GRHL3: variants seen among roughly 807,000 people sequenced by gnomAD.
GRHL3 encodes the protein grainyhead-like protein 3 homolog.
A neutral mutation model predicts 70.3 loss-of-function variants in GRHL3; 20 were observed. That is an observed-to-expected ratio of 0.28 (90% confidence interval 0.20 to 0.41). GRHL3 has a LOEUF of 0.41. Ranked by LOEUF, GRHL3 falls within the 10% of genes least tolerant of loss-of-function variation. The pLI, the probability that GRHL3 is intolerant of heterozygous loss-of-function variation, is 1.00. For synonymous variants in GRHL3, 299 were observed against 299.9 expected (o/e 1.00, Z 0.03); for missense variants, 637 against 762.3 (o/e 0.84, Z 1.94).
chr1:24,362,519 C>A (rs1641188950), intron 15 of GRHL3, among the ~76,000 whole-genome samples: 1 of 152,186 alleles, frequency 6.6e-6, no homozygotes, highest in South Asian at 2.1e-4. Flanking sequence ...AACAATGACA[C>A]TAACTTTATA....
chr1:24,343,864 G>A (rs1419355726), intron 11 of GRHL3, among the ~76,000 whole-genome samples: 1 of 152,238 alleles, frequency 6.6e-6, no homozygotes, highest in East Asian at 1.9e-4. Context: ...TTAGGACAAT[G>A]AGGTGTAGAC....
intron 1 of GRHL3, among the ~76,000 whole-genome samples, chr1:24,324,974 A>C (rs1387571697): frequency 6.6e-6 from 1 of 152,196 alleles, no homozygotes; most frequent in Non-Finnish European, 1.5e-5. Context: ...GGCCACTGGC[A>C]GGCACGAGAA....
rs368867424 is a variant in GRHL3, at chr1:24,330,324, C to T, written c.18-1102C>T. Among the ~76,000 whole-genome samples the T allele has an allele frequency of 1.4e-4, 21 of 152,286 alleles. No individual in the cohort carries two copies. The East Asian group carries it at 2.9e-3, about 21-fold the overall frequency. On this transcript the variant is annotated intron_variant, in intron 1 of 15. Transcript: ENST00000361548. ...GCGATCTATGTTTTAACAAGCCTTC[C>T]AAGTCATTCTCATGCAGCTAAAGTT...
chr1:24,357,109 G>A (rs936092328), downstream of GRHL3: 4 of 145,268 alleles, frequency 2.8e-5, no homozygotes, highest in East Asian at 4.1e-4. Flanking sequence ...GACAGGATTC[G>A]TATTACTGAT....
chr1:24,340,444 A>G (rs12401714), intron 8 of GRHL3, among the ~76,000 whole-genome samples: 41,691 of 152,184 alleles, frequency 0.27, 6,478 homozygotes, highest in East Asian at 0.46. Flanking sequence ...TAGTTAAGCC[A>G]TTAAGATTCT....
In GRHL3 at chr1:24,336,640, C is replaced by G. The variant is rs994104716; in HGVS notation, c.425C>G (p.Pro142Arg). ...AGCTTGGAGGGGGCCTTGCCCACCC[C>G]TGGCAAGGCAGCTCCCCTCCCTGCA... ...LMSLEGALPT[P>R]GKAAPLPAGP... Residue 142 changes from proline to arginine, a missense_variant, in exon 4 of 16, where the codon CCT (proline) becomes CGT (arginine). Pro to Arg is a moderately radical substitution (Grantham distance 103). Around this residue, in one of 2 missense-constraint regions of GRHL3, gnomAD observed 250 missense variants for 248.6 expected, o/e 1.01. Transcript: ENST00000361548. 1 of 1,613,996 alleles carries G rather than the reference C, an allele frequency of 6.2e-7. No individual in the cohort carries two copies.
Position 24,319,378 on chromosome 1 carries a change from T to C in GRHL3, c.-174T>C, listed in dbSNP as rs1328666309. The stretch of plus-strand genomic sequence containing the variant: ...CTCCAGTCGCCGGCACCTGTACCTG[T>C]AGCCAATCAGCGCCAGCGCTGCTGG... On this transcript the variant is annotated 5_prime_UTR_variant, in exon 1 of 16. Coordinates refer to ENST00000361548, the MANE Select transcript of GRHL3 (RefSeq NM_198173.3). 1 of 718,566 alleles carries C rather than the reference T, an allele frequency of 1.4e-6. No homozygotes were observed. The highest frequency in any genetic ancestry group is 2.5e-6 in the Non-Finnish European group (1 of 400,792). 44.5% of individuals were successfully genotyped at this position (718,566 alleles called of 1,614,324 possible).
At position 24,342,804 on chromosome 1, in the gene GRHL3, G is replaced by T. The variant is rs771569908; in HGVS notation, c.1285+32G>T. The T allele has an allele frequency of 3.1e-6, 5 of 1,613,734 alleles. No homozygotes were observed. Among genetic ancestry groups the T allele is most frequent in the African/African-American group, 1.3e-5 (1 of 74,912 alleles). ...GGGGATCCAGGGCCTGGGTGGGCTCGGCTGGCGTGAAGGGGAGAAGGAGAC... is the reference window on the plus strand; with the variant it reads ...GGGGATCCAGGGCCTGGGTGGGCTCTGCTGGCGTGAAGGGGAGAAGGAGAC... On this transcript the variant is annotated intron_variant, in intron 10 of 15. Coordinates refer to ENST00000361548, the MANE Select transcript of GRHL3 (RefSeq NM_198173.3). The surrounding 1 kb of genome is among the most constrained non-coding windows in gnomAD (Gnocchi z 4.8).
intron 1 of GRHL3, among the ~76,000 whole-genome samples, chr1:24,327,826 C>G (rs1316551990): frequency 1.3e-5 from 2 of 152,180 alleles, no homozygotes; most frequent in Non-Finnish European, 2.9e-5. Flanking sequence ...TTCCCCCTCT[C>G]TCACCTACTG....
chr1:24,342,181 C>G lies in GRHL3; in HGVS notation c.1114C>G (p.Leu372Val). 2 of 1,613,524 alleles carry G rather than the reference C, an allele frequency of 1.2e-6. No homozygotes were observed. The highest frequency in any genetic ancestry group is 1.7e-6 in the Non-Finnish European group (2 of 1,179,648). ...ACAAAAGGGGGTGAAGGGTGTCCCC[C>G]TGAACCTGCAGATTGACACCTATGA... ...SSQKGVKGVP[L>V]NLQIDTYDCG... The change falls in exon 9 of 16, where the codon CTG becomes GTG. Residue 372 changes from leucine (L) to valine (V), a missense_variant. Physicochemically the swap from Leu to Val is conservative, Grantham distance 32. This residue lies in a region of GRHL3 where 387 missense variants were observed against 513.8 expected (regional missense o/e 0.75). Coordinates refer to ENST00000361548, the MANE Select transcript of GRHL3 (RefSeq NM_198173.3). The surrounding 1 kb of genome is among the most constrained non-coding windows in gnomAD (Gnocchi z 4.8).
At chr1:24,341,388 T>G (rs1640032293) in intron 8 of GRHL3, among the ~76,000 whole-genome samples, 1 of 152,170 alleles carries the variant, frequency 6.6e-6, no homozygotes, top group Non-Finnish European at 1.5e-5. Flanking sequence ...TCTGAAGCCG[T>G]ATATGGCTAG....
Position 24,337,112 on chromosome 1 carries a change from C to T in GRHL3, c.647C>T (p.Pro216Leu), listed in dbSNP as rs149044763. The change falls in exon 5 of 16, where the codon CCG becomes CTG. Residue 216 changes from proline to leucine, a missense_variant. Transcript: ENST00000361548. The stretch of plus-strand genomic sequence containing the variant: ...TTCCCAGATATCCTGAAAACCTCCC[C>T]GGAACCCCCATGTCCAGAGGACTAC... ...MLFPDILKTSPEPPCPEDYPS... is the reference protein window; with the variant it reads ...MLFPDILKTSLEPPCPEDYPS... The T allele has an allele frequency of 1.0e-4, 166 of 1,614,102 alleles. No homozygotes were observed. In the East Asian group the frequency reaches 2.7e-3, roughly 26 times the overall value.
At chr1:24,344,219 G>T (rs1557701862) in intron 11 of GRHL3, among the ~76,000 whole-genome samples, 2 of 152,152 alleles carry the variant, frequency 1.3e-5, no homozygotes, top group South Asian at 2.1e-4. Context: ...CCTCCTGCCG[G>T]GCGTGTCATC....
chr1:24,336,459 C>G (rs1402641081), intron 3 of GRHL3, 23 bp from the exon 4 acceptor site: 1 of 1,496,628 alleles, frequency 6.7e-7, no homozygotes, highest in Admixed American at 2.0e-5. Context: ...GAAGTACACT[C>G]AGCCCCTTTT....
In GRHL3 at chr1:24,337,615, T is replaced by TCCTCTCCCTCCTCCCTGC. The variant is rs1183921895; in HGVS notation, c.687-20_687-3dup. The TCCTCTCCCTCCTCCCTGC allele has an allele frequency of 1.9e-6, 3 of 1,613,290 alleles. No homozygotes were observed. In the Admixed American group the frequency reaches 5.0e-5, roughly 27 times the overall value. On this transcript the variant is annotated intron_variant, in intron 5 of 15. Coordinates refer to ENST00000361548, the MANE Select transcript of GRHL3 (RefSeq NM_198173.3). ...CCTGCCTGGGAGCCCAGCCTCACTG[T>TCCTCTCCCTCCTCCCTGC]CCTCTCCCTCCTCCCTGCAGTGACT...
rs760295976 is a variant in GRHL3 at position 24,336,843 on chromosome 1, C to T, written c.612+16C>T. On this transcript the variant is annotated intron_variant, in intron 4 of 15. Coordinates refer to ENST00000361548, the MANE Select transcript of GRHL3 (RefSeq NM_198173.3). Reference sequence around the variant, plus strand: ...CCCACAGGAGGTGAGGGCGCATCCCCGCTCCCCTATAGCATAGATATGTGT... The same window carrying T: ...CCCACAGGAGGTGAGGGCGCATCCCTGCTCCCCTATAGCATAGATATGTGT... The T allele has an allele frequency of 1.1e-5, 17 of 1,558,746 alleles. No individual in the cohort carries two copies. The highest frequency in any genetic ancestry group is 7.0e-5 in the South Asian group (6 of 85,182).
intron 1 of GRHL3, among the ~76,000 whole-genome samples, chr1:24,324,676 G>T (rs1199927382): frequency 6.6e-6 from 1 of 152,176 alleles, no homozygotes; most frequent in Non-Finnish European, 1.5e-5. Flanking sequence ...AATTCTGTGA[G>T]GTTAGCATTC....
intron 8 of GRHL3, among the ~76,000 whole-genome samples, chr1:24,340,180 G>A (rs1481934223): frequency 6.6e-6 from 1 of 152,152 alleles, no homozygotes; most frequent in Non-Finnish European, 1.5e-5. Flanking sequence ...CCTTTTGCAT[G>A]GTCACACAGC....
chr1:24,325,327 G>A (rs1365975844), intron 1 of GRHL3, among the ~76,000 whole-genome samples: 1 of 152,162 alleles, frequency 6.6e-6, no homozygotes, highest in Non-Finnish European at 1.5e-5. Flanking sequence ...AAAGTTGAGT[G>A]AGTACTTTCT....
Sources: gnomAD v4.1 joint callset for allele counts (sites outside exome capture counted in the v4.1 genomes callset) on GRCh38, gnomAD v4.1.1 for gene constraint, gnomAD v4.1.1 regional missense constraint, Gnocchi (gnomAD v3.1) non-coding constraint, MANE v1.5 for transcripts, NCBI Gene and HGNC (gene_info 2026-07-23, HGNC 2026-07-21) for gene names.